Variants in PHIP observed in about 807,000 individuals in gnomAD.
The protein encoded by PHIP is PH-interacting protein.
PHIP carries 54 observed loss-of-function variants against 236.8 expected under a neutral mutation model. The ratio of observed to expected loss-of-function variants is 0.23; its 90% CI spans 0.18 to 0.29. The LOEUF (loss-of-function observed/expected upper bound fraction) is 0.29, where lower values mean the gene tolerates loss of function less well. Among genes scored for constraint, PHIP ranks in the 10% least tolerant of loss-of-function variants. The pLI is 1.00. For synonymous variants in PHIP, 756 were observed against 718.9 expected (o/e 1.05, Z -0.83); for missense variants, 1,370 against 2,190.8 (o/e 0.63, Z 7.48).
At chr6:79,002,169 A>G (rs1242236865) in intron 16 of PHIP, 45 bp from the exon 17 acceptor site, 1 of 1,342,482 alleles carries the variant, frequency 7.4e-7, no homozygotes, top group Non-Finnish European at 1.0e-6. Context: ...ATAAAAATGT[A>G]TCATTGTAGA....
chr6:78,999,358 T>C (rs1389020757), intron 17 of PHIP, among the ~76,000 whole-genome samples: 2 of 152,130 alleles, frequency 1.3e-5, no homozygotes, highest in Admixed American at 1.3e-4. Flanking sequence ...TCCATGACAT[T>C]TCCTCTGTGA....
chr6:79,028,761 C>G (rs1318970469), intron 7 of PHIP, among the ~76,000 whole-genome samples: 1 of 152,172 alleles, frequency 6.6e-6, no homozygotes, highest in Non-Finnish European at 1.5e-5. Context: ...AAAGTAAAAT[C>G]ATGACATCAT....
intron 31 of PHIP, among the ~76,000 whole-genome samples, chr6:78,959,835 C>T (rs556710601): frequency 1.9e-4 from 29 of 152,060 alleles, no homozygotes; most frequent in Non-Finnish European, 3.2e-4. Context: ...TCCTGATAAA[C>T]CCACTGTAAA....
At chr6:79,024,184 A>G (rs1203632433) in intron 9 of PHIP, among the ~76,000 whole-genome samples, 1 of 152,206 alleles carries the variant, frequency 6.6e-6, no homozygotes, top group Admixed American at 6.5e-5. Flanking sequence ...ACCACTCTAC[A>G]AGAATGTTCA....
At chr6:79,012,963 C>T (rs1436758194) in intron 15 of PHIP, among the ~76,000 whole-genome samples, 3 of 151,732 alleles carry the variant, frequency 2.0e-5, no homozygotes, top group African/African-American at 4.8e-5. Flanking sequence ...ATAGACATAT[C>T]ACTAACTGAG....
At chr6:79,067,689 G>C (rs142412429) in intron 4 of PHIP, 1 of 152,550 alleles carries the variant, frequency 6.6e-6, no homozygotes. Context: ...CCCCCTGATC[G>C]AAAGAATGAT....
rs183659186 is a variant in PHIP at position 78,995,055 on chromosome 6, T to C, written c.2201+2359A>G. 3.1e-3 allele frequency among the ~76,000 whole-genome samples: 474 copies of C among 152,362 alleles called. 3 individuals are homozygous for C. The highest frequency in any genetic ancestry group is 0.011 in the African/African-American group (440 of 41,588). On this transcript the variant is annotated intron_variant, in intron 19 of 39. Coordinates refer to ENST00000275034, the MANE Select transcript of PHIP (RefSeq NM_017934.7). ...ATATCCCCAAAGTATGCCTGTATCT[T>C]AGCAACCTAAATCTGTTCTCCATTC...
rs183430495 is a variant in PHIP, at chr6:79,030,941, G to T, written c.601-4777C>A. On this transcript the variant is annotated intron_variant, in intron 7 of 39. Transcript: ENST00000275034. ...TCATTTTTCTTTCTTGTTTTTTTTT[G>T]TTTGTTTGTTTGTTTGTTTTGAGAC... is the stretch of plus-strand genomic sequence containing the variant. Among the ~76,000 whole-genome samples, 132 of 148,104 alleles carry T rather than the reference G, an allele frequency of 8.9e-4. 1 individual carries two copies. The highest frequency in any genetic ancestry group is 8.2e-3 in the South Asian group (39 of 4,738).
Position 78,937,550 on chromosome 6 carries a change from T to C in PHIP, c.*3143A>G, listed in dbSNP as rs1773321903. 6.6e-6 allele frequency: 1 copy of C among 151,748 alleles called. No homozygotes were observed. Among genetic ancestry groups the C allele is most frequent in the African/African-American group, 2.4e-5 (1 of 41,424 alleles). The allele number at this position is 151,748 out of a possible 1,614,324, so 9.4% of individuals were successfully genotyped here. A position where few individuals can be genotyped will look rare whatever the true frequency, so the allele number is the denominator to read the frequency against. On this transcript the variant is annotated 3_prime_UTR_variant, in exon 40 of 40. Transcript: ENST00000275034. The stretch of plus-strand genomic sequence containing the variant: ...AATTTAGTCAATCCCAAGTCTCAGA[T>C]GTTACCTAATCCAGCTCACAAATAT...
intron 5 of PHIP, 33 bp from the exon 6 acceptor site, chr6:79,060,609 G>T (rs750496303): frequency 6.2e-7 from 1 of 1,607,694 alleles, no homozygotes; most frequent in South Asian, 1.1e-5. Context: ...TGCATACAAA[G>T]AACACAAAAA....
At chr6:79,036,592 A>C (rs1224481404) in intron 7 of PHIP, among the ~76,000 whole-genome samples, 2 of 152,084 alleles carry the variant, frequency 1.3e-5, no homozygotes, top group Non-Finnish European at 2.9e-5. Context: ...ATACACACAT[A>C]ACTCCATTAC....
chr6:79,055,643 T>C (rs1773030391), intron 6 of PHIP, among the ~76,000 whole-genome samples: 1 of 152,188 alleles, frequency 6.6e-6, no homozygotes. Context: ...GGAAGGCAGG[T>C]GAACCACTTT....
At chr6:79,037,559 C>T (rs1028374519) in intron 7 of PHIP, among the ~76,000 whole-genome samples, 6 of 152,032 alleles carry the variant, frequency 3.9e-5, no homozygotes, top group East Asian at 3.9e-4. Context: ...TCTTTATCTG[C>T]TAATTAAAAA....
chr6:79,012,543 A>G (rs1381992894), intron 15 of PHIP, among the ~76,000 whole-genome samples: 1 of 151,764 alleles, frequency 6.6e-6, no homozygotes, highest in Admixed American at 6.6e-5. Context: ...TGCTCAAAAA[A>G]TATTTACTAA....
intron 17 of PHIP, among the ~76,000 whole-genome samples, chr6:79,001,185 T>C (rs1769970357): frequency 6.6e-6 from 1 of 152,108 alleles, no homozygotes; most frequent in South Asian, 2.1e-4. Context: ...TTTAACCTTC[T>C]TTACAGAACC....
Position 78,970,079 on chromosome 6 carries a change from C to G in PHIP, c.3092G>C (p.Gly1031Ala), listed in dbSNP as rs775482205. The G allele has an allele frequency of 6.2e-7, 1 of 1,613,596 alleles. No individual in the cohort carries two copies. Among genetic ancestry groups the G allele is most frequent in the Non-Finnish European group, 8.5e-7 (1 of 1,179,700 alleles). Reference protein sequence around the residue: ...LKLAFLDPDTGKLTGGSFTMK... With the variant: ...LKLAFLDPDTAKLTGGSFTMK... Reference sequence around the variant, plus strand: ...GGTAAATGATCCGCCAGTCAGTTTACCAGTATCAGGATCTAGAAAAGCAAG... The same window carrying G: ...GGTAAATGATCCGCCAGTCAGTTTAGCAGTATCAGGATCTAGAAAAGCAAG... Residue 1031 changes from glycine to alanine, a missense_variant, in exon 26 of 40, where the codon GGT (glycine) becomes GCT (alanine). By Grantham distance (60) the Gly-to-Ala change is moderately conservative. Coordinates refer to ENST00000275034, the MANE Select transcript of PHIP (RefSeq NM_017934.7).
At chr6:79,024,093 A>G (rs1178547182) in intron 9 of PHIP, among the ~76,000 whole-genome samples, 1 of 152,216 alleles carries the variant, frequency 6.6e-6, no homozygotes, top group Non-Finnish European at 1.5e-5. Flanking sequence ...TGTCCAAAGA[A>G]CCATGTTTTA....
At chr6:79,001,189 C>T (rs1220707200) in intron 17 of PHIP, among the ~76,000 whole-genome samples, 1 of 151,986 alleles carries the variant, frequency 6.6e-6, no homozygotes, top group Non-Finnish European at 1.5e-5. Flanking sequence ...ACCTTCTTTA[C>T]AGAACCTTTC....
intron 15 of PHIP, chr6:79,004,311 T>A: frequency 3.3e-6 from 2 of 600,644 alleles, no homozygotes; most frequent in Non-Finnish European, 4.2e-6. Flanking sequence ...ATAAATTCCC[T>A]GGTAGTCTGA....
Sources: allele counts gnomAD v4.1 joint callset (sites outside exome capture counted in the v4.1 genomes callset), GRCh38; gene constraint gnomAD v4.1.1; transcripts MANE v1.5; gene names NCBI Gene and HGNC (gene_info 2026-07-23, HGNC 2026-07-21).